Variants in SKIC2 observed in about 807,000 individuals in gnomAD.
The protein encoded by SKIC2 is SKI2 subunit of superkiller complex.
At chr6:31,960,010 C>T in the SKIC2 span, 4 of 1,611,642 alleles carry the variant, frequency 2.5e-6, no homozygotes, top group Non-Finnish European at 3.4e-6. Context: ...CTTGTTTCAG[C>T]TTCCCCATGG....
chr6:31,962,579 TC>T, the SKIC2 span: 2 of 1,612,788 alleles, frequency 1.2e-6, no homozygotes, highest in African/African-American at 2.7e-5. The surrounding 1 kb of genome is among the most constrained non-coding windows in gnomAD (Gnocchi z 5.0). Context: ...ACCACAGAGA[TC>T]CTTCGGTGAG....
At chr6:31,967,528 A>C in the SKIC2 span, 1 of 807,378 alleles carries the variant, frequency 1.2e-6, no homozygotes, top group Non-Finnish European at 2.0e-6. This position sits in a 1 kb window ranked among gnomAD's most constrained non-coding sequence, Gnocchi z 4.9. Context: ...CCATCACCAC[A>C]TCATGCTCAC....
the SKIC2 span, chr6:31,964,201 A>G: frequency 6.2e-7 from 1 of 1,610,282 alleles, no homozygotes; most frequent in South Asian, 1.1e-5. This position sits in a 1 kb window ranked among gnomAD's most constrained non-coding sequence, Gnocchi z 5.0. Context: ...CCGAGACTCC[A>G]TCCCTGACCA....
the SKIC2 span, chr6:31,959,230 G>C: frequency 6.2e-7 from 1 of 1,608,436 alleles, no homozygotes. Flanking sequence ...GGGGAGGGGA[G>C]GGAAATGGAA....
chr6:31,969,471 G>T, the SKIC2 span: 3 of 1,613,704 alleles, frequency 1.9e-6, no homozygotes, highest in Non-Finnish European at 2.5e-6. This position sits in a 1 kb window ranked among gnomAD's most constrained non-coding sequence, Gnocchi z 6.1. Context: ...GGGAGAACCT[G>T]CCCAGGCTGA....
the SKIC2 span, among the ~76,000 whole-genome samples, chr6:31,964,807 G>A: frequency 7.2e-5 from 11 of 152,154 alleles, no homozygotes; most frequent in Non-Finnish European, 1.3e-4. The surrounding 1 kb of genome is among the most constrained non-coding windows in gnomAD (Gnocchi z 5.0). Flanking sequence ...TGGAATGCAC[G>A]CTGGCACTAT....
chr6:31,963,810 G>A, the SKIC2 span: 1 of 1,500,252 alleles, frequency 6.7e-7, no homozygotes, highest in South Asian at 1.2e-5. The surrounding 1 kb of genome is among the most constrained non-coding windows in gnomAD (Gnocchi z 5.3). Context: ...TCCCCCAGGG[G>A]TTTTGACTTG....
At chr6:31,969,148 C>T in the SKIC2 span, 1 of 1,558,598 alleles carries the variant, frequency 6.4e-7, no homozygotes, top group East Asian at 2.3e-5. The surrounding 1 kb of genome is among the most constrained non-coding windows in gnomAD (Gnocchi z 6.1). Context: ...CCTTCACCTT[C>T]AGGTAGTCCC....
chr6:31,963,756 A>T, the SKIC2 span: 1 of 1,526,956 alleles, frequency 6.5e-7, no homozygotes, highest in Non-Finnish European at 8.9e-7. The surrounding 1 kb of genome is among the most constrained non-coding windows in gnomAD (Gnocchi z 5.3). Context: ...AGGGTTTTGT[A>T]CCTGCCAGCA....
the SKIC2 span, chr6:31,959,915 G>C: frequency 1.1e-6 from 1 of 884,838 alleles, no homozygotes; most frequent in South Asian, 1.4e-5. Flanking sequence ...TGACACATCT[G>C]CCATTTCTGA....
the SKIC2 span, chr6:31,969,141 T>C: frequency 6.3e-7 from 1 of 1,575,786 alleles, no homozygotes; most frequent in South Asian, 1.1e-5. This position sits in a 1 kb window ranked among gnomAD's most constrained non-coding sequence, Gnocchi z 6.1. Flanking sequence ...TTCCTGACCT[T>C]CACCTTCAGG....
the SKIC2 span, chr6:31,960,390 A>T: frequency 6.3e-7 from 1 of 1,595,024 alleles, no homozygotes; most frequent in South Asian, 1.1e-5. Context: ...AGGTGGTCAG[A>T]GACAAGCTCA....
chr6:31,967,013 C>T, the SKIC2 span: 9 of 1,612,906 alleles, frequency 5.6e-6, no homozygotes, highest in Non-Finnish European at 7.6e-6. This position sits in a 1 kb window ranked among gnomAD's most constrained non-coding sequence, Gnocchi z 4.9. Flanking sequence ...GGCCCATGAA[C>T]AGGCCCTGGC....
At chr6:31,960,347 CA>C in the SKIC2 span, 1 of 1,609,244 alleles carries the variant, frequency 6.2e-7, no homozygotes, top group Non-Finnish European at 8.5e-7. Flanking sequence ...GGTAGGAGGT[CA>C]GGGGTCATGA....
At chr6:31,969,155 T>G in the SKIC2 span, 1 of 1,549,892 alleles carries the variant, frequency 6.5e-7, no homozygotes, top group Non-Finnish European at 8.8e-7. This position sits in a 1 kb window ranked among gnomAD's most constrained non-coding sequence, Gnocchi z 6.1. Flanking sequence ...CTTCAGGTAG[T>G]CCCCCAGGTG....
At chr6:31,962,648 T>A in the SKIC2 span, 1 of 1,606,558 alleles carries the variant, frequency 6.2e-7, no homozygotes, top group Non-Finnish European at 8.5e-7. This position sits in a 1 kb window ranked among gnomAD's most constrained non-coding sequence, Gnocchi z 5.0. Flanking sequence ...TTGTGGAGAG[T>A]GTGCTGTCTG....
At chr6:31,968,256 TC>T in the SKIC2 span, 6 of 1,473,030 alleles carry the variant, frequency 4.1e-6, no homozygotes, top group Non-Finnish European at 5.7e-6. The surrounding 1 kb of genome is among the most constrained non-coding windows in gnomAD (Gnocchi z 6.1). Context: ...TAAGAGGGCT[TC>T]CACAGCCTGA....
chr6:31,964,197 C>T, the SKIC2 span: 1 of 1,609,594 alleles, frequency 6.2e-7, no homozygotes, highest in Non-Finnish European at 8.5e-7. This position sits in a 1 kb window ranked among gnomAD's most constrained non-coding sequence, Gnocchi z 5.0. Flanking sequence ...TGTTCCGAGA[C>T]TCCATCCCTG....
chr6:31,967,044 G>C, the SKIC2 span: 2 of 1,613,046 alleles, frequency 1.2e-6, no homozygotes, highest in African/African-American at 2.7e-5. The surrounding 1 kb of genome is among the most constrained non-coding windows in gnomAD (Gnocchi z 4.9). Flanking sequence ...AAGAGGCTGG[G>C]AGCTTTGGAG....
Sources: allele counts gnomAD v4.1 joint callset (sites outside exome capture counted in the v4.1 genomes callset), GRCh38; gene constraint gnomAD v4.1.1; non-coding constraint Gnocchi (gnomAD v3.1); transcripts MANE v1.5; gene names NCBI Gene and HGNC (gene_info 2026-07-23, HGNC 2026-07-21).